The following ABCA12 variants were observed in gnomAD, a reference collection of about 807,000 sequenced individuals.
The protein encoded by ABCA12 is glucosylceramide transporter ABCA12.
ABCA12 carries 156 observed loss-of-function variants against 293.5 expected under a neutral mutation model. That is an observed-to-expected ratio of 0.53 (90% CI 0.47 to 0.61). ABCA12 has a LOEUF of 0.61. Ranked by LOEUF, ABCA12 falls within the 20% of genes least tolerant of loss-of-function variation. ABCA12 has a pLI of 0.00. For synonymous variants in ABCA12, 1,063 were observed against 1,108.0 expected (o/e 0.96, Z 0.81); for missense variants, 2,797 against 3,090.2 (o/e 0.91, Z 2.25).
intron 7 of ABCA12, among the ~76,000 whole-genome samples, chr2:215,045,390 G>A (rs80059398): frequency 0.035 from 5,324 of 152,292 alleles, 299 homozygotes; most frequent in African/African-American, 0.12. Flanking sequence ...CCTCTTTGAG[G>A]TGGCTTGGAA....
Position 215,004,307 on chromosome 2 carries a change from A to G in ABCA12, c.2593-8T>C. ...AGGGTTCCTTAGAGTATTCTAACAA[A>G]TAATAATTAAAAATCAGTTTCAATA... On this transcript the variant is annotated splice_region_variant and splice_polypyrimidine_tract_variant and intron_variant, in intron 19 of 52. Transcript: ENST00000272895. 1 of 1,599,674 alleles carries G rather than the reference A, an allele frequency of 6.3e-7. No individual in the cohort carries two copies. The highest frequency in any genetic ancestry group is 8.6e-7 in the Non-Finnish European group (1 of 1,168,760).
chr2:215,129,580 C>T (rs577859376), intron 1 of ABCA12, among the ~76,000 whole-genome samples: 23 of 152,056 alleles, frequency 1.5e-4, no homozygotes, highest in Admixed American at 3.3e-4. Flanking sequence ...TGGGGTTGTT[C>T]GTTTTCTTTC....
intron 36 of ABCA12, among the ~76,000 whole-genome samples, chr2:214,973,586 T>C (rs1032984382): frequency 6.6e-6 from 1 of 152,176 alleles, no homozygotes; most frequent in African/African-American, 2.4e-5. Flanking sequence ...ACTTCCCAGC[T>C]GACCACTACA....
At chr2:215,055,011 T>C (rs1701392290) in intron 3 of ABCA12, among the ~76,000 whole-genome samples, 1 of 152,050 alleles carries the variant, frequency 6.6e-6, no homozygotes, top group African/African-American at 2.4e-5. Flanking sequence ...CAAATGAGAA[T>C]CCAAGAGTGC....
rs536314506 is a variant in ABCA12, at chr2:215,136,846, C to A, written c.69+1294G>T. Reference sequence around the variant, plus strand: ...ATCATGTCACGTCTAACTCATCATGCCACATCATGGTGGGAAAAACAGTGC... The same window carrying A: ...ATCATGTCACGTCTAACTCATCATGACACATCATGGTGGGAAAAACAGTGC... On this transcript the variant is annotated intron_variant, in intron 1 of 52. Coordinates refer to ENST00000272895, the MANE Select transcript of ABCA12 (RefSeq NM_173076.3). Among the ~76,000 whole-genome samples the A allele has an allele frequency of 1.5e-4, 23 of 152,202 alleles. No individual in the cohort carries two copies. In the East Asian group the frequency reaches 4.3e-3, roughly 28 times the overall value.
intron 15 of ABCA12, 48 bp downstream of exon 15, chr2:215,015,442 T>G: frequency 6.6e-7 from 1 of 1,510,984 alleles, no homozygotes; most frequent in Admixed American, 1.7e-5. Context: ...AATTAAATAG[T>G]TTTATATAAA....
chr2:214,940,840 CTGTT>C (rs1698376635), intron 50 of ABCA12, among the ~76,000 whole-genome samples: 1 of 151,876 alleles, frequency 6.6e-6, no homozygotes, highest in African/African-American at 2.4e-5. Flanking sequence ...TTTATTGTGT[CTGTT>C]TGATTCTTCT....
intron 50 of ABCA12, among the ~76,000 whole-genome samples, chr2:214,940,377 T>C (rs1458487370): frequency 2.6e-5 from 4 of 152,248 alleles, no homozygotes; most frequent in Admixed American, 6.5e-5. Flanking sequence ...AGTATTTTAC[T>C]GAGGATTTTC....
chr2:215,136,547 G>T (rs1426308981), intron 1 of ABCA12, among the ~76,000 whole-genome samples: 1 of 151,946 alleles, frequency 6.6e-6, no homozygotes, highest in Non-Finnish European at 1.5e-5. Context: ...AACACGTACA[G>T]ATTTTAGTTC....
chr2:214,974,782 C>T lies in ABCA12; in HGVS notation c.5464G>A (p.Asp1822Asn). ...AGAAGAGCAAGAACCACTTACAGATCACTGGTGTTCAGACACATGTTGTCA... is the reference window on the plus strand; with the variant it reads ...AGAAGAGCAAGAACCACTTACAGATTACTGGTGTTCAGACACATGTTGTCA... ...GIDNMCLNTS[D>N]LQCLNKDSLE... Residue 1822 changes from aspartate to asparagine, a missense_variant, in exon 35 of 53, where the codon GAT becomes AAT. By Grantham distance (23) the Asp-to-Asn change is conservative (BLOSUM62 1). Transcript: ENST00000272895. 6.2e-7 allele frequency: 1 copy of T among 1,613,970 alleles called. No individual in the cohort carries two copies.
At chr2:215,084,679 G>A (rs1702004604) in intron 2 of ABCA12, among the ~76,000 whole-genome samples, 1 of 152,100 alleles carries the variant, frequency 6.6e-6, no homozygotes, top group Non-Finnish European at 1.5e-5. Context: ...TTTGAACTTA[G>A]GAACCACGTA....
chr2:215,008,852 A>G (rs1197917254), intron 18 of ABCA12, among the ~76,000 whole-genome samples: 1 of 152,150 alleles, frequency 6.6e-6, no homozygotes, highest in East Asian at 1.9e-4. Flanking sequence ...GTGAAGAAAA[A>G]GGAACACTTA....
rs371904475 is a variant in ABCA12 at position 215,064,102 on chromosome 2, C to G, written c.281G>C (p.Arg94Pro). ...TAGTGCATCATCAATTCCTTTCCTA[C>G]GAAGCAGATCTTGTGGGCCATAGGG... ...DTPYGPQDLL[R>P]RKGIDDALFK... The change falls in exon 3 of 53, where the codon CGT becomes CCT. Residue 94 changes from arginine to proline, a missense_variant. Physicochemically the swap from Arg to Pro is moderately radical, Grantham distance 103. Transcript: ENST00000272895. 4.3e-6 allele frequency: 7 copies of G among 1,612,702 alleles called. No homozygotes were observed. The highest frequency in any genetic ancestry group is 4.5e-5 in the East Asian group (2 of 44,838).
intron 38 of ABCA12, 100 bp downstream of exon 38, chr2:214,968,620 G>A (rs1164350059): frequency 2.6e-6 from 3 of 1,151,574 alleles, no homozygotes; most frequent in South Asian, 1.2e-5. Context: ...ATGCCAAATC[G>A]ATTGTACCCA....
At chr2:215,014,944 T>C (rs1700458234) in intron 15 of ABCA12, among the ~76,000 whole-genome samples, 2 of 152,198 alleles carry the variant, frequency 1.3e-5, no homozygotes, top group South Asian at 4.1e-4. Flanking sequence ...TCATAGAGCA[T>C]CTGCATATTG....
chr2:215,011,169 A>G (rs1006897715), intron 17 of ABCA12, among the ~76,000 whole-genome samples: 9 of 152,190 alleles, frequency 5.9e-5, no homozygotes, highest in African/African-American at 2.2e-4. Context: ...TCTTTGTAGC[A>G]GAGTACCTGG....
intron 2 of ABCA12, among the ~76,000 whole-genome samples, chr2:215,085,088 CAA>C (rs34532043): frequency 0.01 from 997 of 95,776 alleles, 3 homozygotes; most frequent in African/African-American, 0.034. Flanking sequence ...ACCCTGTCTC[CAA>C]AAAAAAAAAA....
Position 215,010,364 on chromosome 2 carries a change from T to C in ABCA12, c.2439A>G (p.Pro813=), listed in dbSNP as rs749662118. Residue 813 remains proline (P), a synonymous_variant, in exon 18 of 53, where the codon CCA becomes CCG. Transcript: ENST00000272895. Reference sequence around the variant, plus strand: ...TTATTGCCTTTGTGACTGGGTTATATGGTGCATACAAAATTCTTCCCAACA... The same window carrying C: ...TTATTGCCTTTGTGACTGGGTTATACGGTGCATACAAAATTCTTCCCAACA... ...PMLLGRILYA[P]YNPVTKAIME... The C allele has an allele frequency of 6.2e-7, 1 of 1,613,842 alleles. No individual in the cohort carries two copies. Among genetic ancestry groups the C allele is most frequent in the South Asian group, 1.1e-5 (1 of 91,082 alleles).
intron 1 of ABCA12, among the ~76,000 whole-genome samples, chr2:215,135,763 C>A (rs922142762): frequency 6.6e-6 from 1 of 151,940 alleles, no homozygotes; most frequent in African/African-American, 2.4e-5. Flanking sequence ...CATTTTATCC[C>A]CCTTTAGATC....
Sources: allele counts gnomAD v4.1 joint callset (sites outside exome capture counted in the v4.1 genomes callset), GRCh38; gene constraint gnomAD v4.1.1; transcripts MANE v1.5; gene names NCBI Gene and HGNC (gene_info 2026-07-23, HGNC 2026-07-21).